Variants in CATSPER3 observed in about 807,000 individuals in gnomAD.
CATSPER3 encodes cation channel sperm-associated protein 3.
Under a neutral mutation model 36.6 loss-of-function variants are expected in CATSPER3, and 23 were observed. The observed-to-expected ratio is 0.63, with a 90% CI of 0.45 to 0.89. The LOEUF (loss-of-function observed/expected upper bound fraction) is 0.89. Among genes scored for constraint, CATSPER3 ranks in the 40% least tolerant of loss-of-function variants. CATSPER3 has a pLI of 0.00. For synonymous variants in CATSPER3, 172 were observed against 184.1 expected (o/e 0.93, Z 0.53); for missense variants, 474 against 503.9 (o/e 0.94, Z 0.57).
At chr5:134,968,162 C>A in intron 1 of CATSPER3, 73 bp downstream of exon 1, 1 of 1,019,378 alleles carries the variant, frequency 9.8e-7, no homozygotes, top group Non-Finnish European at 1.5e-6. Context: ...TGTCAGTGTT[C>A]TCTCAGCCTC....
intron 3 of CATSPER3, among the ~76,000 whole-genome samples, chr5:135,003,736 A>G (rs980923600): frequency 2.0e-5 from 3 of 152,234 alleles, no homozygotes; most frequent in Non-Finnish European, 4.4e-5. Context: ...CTCCGTGAGC[A>G]TGGGACCCTC....
chr5:134,970,089 T>C lies in CATSPER3; in HGVS notation c.249T>C (p.Leu83=). 6.2e-7 allele frequency: 1 copy of C among 1,614,090 alleles called. No homozygotes were observed. Among genetic ancestry groups the C allele is most frequent in the Non-Finnish European group, 8.5e-7 (1 of 1,179,952 alleles). Residue 83 remains leucine (L), a synonymous_variant, in exon 2 of 8, where the codon CTT becomes CTC. Coordinates refer to ENST00000282611, the MANE Select transcript of CATSPER3 (RefSeq NM_178019.3). ...YDIRYRLFRL[L]EFSEIFFVSI... ...TAAGGTACCGCTTGTTCAGACTTCT[T>C]GAGGTAAGCAGACAAAATGGGTCCA... is the stretch of plus-strand genomic sequence containing the variant.
chr5:134,994,195 A>G (rs1580909959), intron 2 of CATSPER3, among the ~76,000 whole-genome samples: 1 of 152,262 alleles, frequency 6.6e-6, no homozygotes, highest in South Asian at 2.1e-4. Context: ...TGTAACACAT[A>G]TAACAGGCAA....
chr5:134,967,965 A>G lies in CATSPER3; in HGVS notation c.-27A>G, dbSNP rs999686598. 1.9e-6 allele frequency: 3 copies of G among 1,550,220 alleles called. No individual in the cohort carries two copies. The Admixed American group carries it at 5.0e-5, about 26-fold the overall frequency. On this transcript the variant is annotated 5_prime_UTR_variant, in exon 1 of 8. Transcript: ENST00000282611. ...AGATTTTCTGTTGGATGCTAAAAGC[A>G]AGGAATAAAAGTTGAAAATTTGGAA... is the stretch of plus-strand genomic sequence containing the variant.
chr5:134,994,037 G>A (rs1169069554), intron 2 of CATSPER3, among the ~76,000 whole-genome samples: 4 of 152,082 alleles, frequency 2.6e-5, no homozygotes, highest in Non-Finnish European at 2.9e-5. Context: ...AGGCAGGAGA[G>A]TTGCTTGAAC....
At chr5:134,992,984 T>C (rs952670768) in intron 2 of CATSPER3, among the ~76,000 whole-genome samples, 3 of 152,202 alleles carry the variant, frequency 2.0e-5, no homozygotes, top group African/African-American at 7.2e-5. Context: ...TTATTCACAA[T>C]AGGCAAAAGG....
chr5:134,978,503 A>G (rs1561458167), intron 2 of CATSPER3, among the ~76,000 whole-genome samples: 2 of 152,202 alleles, frequency 1.3e-5, no homozygotes, highest in African/African-American at 2.4e-5. Context: ...GATTGCAAAC[A>G]TTATACTTAA....
intron 2 of CATSPER3, among the ~76,000 whole-genome samples, chr5:134,995,208 T>C (rs564138631): frequency 2.8e-4 from 42 of 152,276 alleles, no homozygotes; most frequent in Non-Finnish European, 4.1e-4. Flanking sequence ...CTATAGTCAC[T>C]TCACTGATCT....
At chr5:135,003,806 T>G (rs1378989813) in intron 3 of CATSPER3, among the ~76,000 whole-genome samples, 1 of 152,170 alleles carries the variant, frequency 6.6e-6, no homozygotes, top group Non-Finnish European at 1.5e-5. Flanking sequence ...GTTGGAAAAG[T>G]GCAGTATTAG....
Position 134,996,559 on chromosome 5 carries a change from C to A in CATSPER3, c.492+47C>A, listed in dbSNP as rs762923826. 14 of 1,601,106 alleles carry A rather than the reference C, an allele frequency of 8.7e-6. No individual in the cohort carries two copies. The East Asian group carries it at 1.3e-4, about 15-fold the overall frequency. ...TGGTGCTGGGAGGGCAGGCCGTAGG[C>A]CCATTTGCCCCCAAGACACTAAGGA... On this transcript the variant is annotated intron_variant, in intron 3 of 7. Coordinates refer to ENST00000282611, the MANE Select transcript of CATSPER3 (RefSeq NM_178019.3).
chr5:134,996,506 C>T lies in CATSPER3; in HGVS notation c.486C>T (p.Gly162=). 3 of 1,614,076 alleles carry T rather than the reference C, an allele frequency of 1.9e-6. No homozygotes were observed. The highest frequency in any genetic ancestry group is 2.5e-6 in the Non-Finnish European group (3 of 1,180,030). The change falls in exon 3 of 8, where the codon GGC becomes GGT. Residue 162 remains glycine, a synonymous_variant. Coordinates refer to ENST00000282611, the MANE Select transcript of CATSPER3 (RefSeq NM_178019.3). ...TCAAGCTTATCGGCTATAGCCAGGG[C>T]ATCCGGGTGAGTGCACTGGGGGTGT... ...RILKLIGYSQ[G]IRTLITAVGQ... is the part of the protein sequence containing the mutation.
At chr5:135,009,534 C>T (rs201904369) in intron 6 of CATSPER3, 44 bp downstream of exon 6, 53 of 1,602,862 alleles carry the variant, frequency 3.3e-5, no homozygotes, top group South Asian at 4.4e-5. Flanking sequence ...GTGGATGGAT[C>T]GTCAGGCTGA....
intron 2 of CATSPER3, among the ~76,000 whole-genome samples, chr5:134,986,753 A>G (rs967432969): frequency 6.6e-6 from 1 of 152,218 alleles, no homozygotes; most frequent in African/African-American, 2.4e-5. Context: ...GTGAGCCACC[A>G]TGCCCAGCCA....
intron 2 of CATSPER3, 139 bp downstream of exon 2, chr5:134,970,231 C>T: frequency 1.3e-6 from 1 of 786,568 alleles, no homozygotes; most frequent in Non-Finnish European, 2.1e-6. Context: ...TCTCAGCTCA[C>T]TGCAACCTCC....
At chr5:134,995,269 C>T (rs1175720155) in intron 2 of CATSPER3, among the ~76,000 whole-genome samples, 2 of 151,846 alleles carry the variant, frequency 1.3e-5, no homozygotes, top group African/African-American at 4.8e-5. Context: ...AACCATTAAC[C>T]AACCTCTCTT....
intron 2 of CATSPER3, among the ~76,000 whole-genome samples, chr5:134,987,103 T>G (rs1273457945): frequency 6.6e-6 from 1 of 152,150 alleles, no homozygotes. Context: ...ATCAACAAAT[T>G]GACAAGCCTT....
intron 7 of CATSPER3, among the ~76,000 whole-genome samples, chr5:135,011,050 A>T (rs1005877757): frequency 6.6e-6 from 1 of 152,218 alleles, no homozygotes; most frequent in Non-Finnish European, 1.5e-5. Flanking sequence ...ATTACTGAGC[A>T]GGAAGGATGT....
chr5:134,982,187 C>T (rs1362011510), intron 2 of CATSPER3, among the ~76,000 whole-genome samples: 14 of 152,094 alleles, frequency 9.2e-5, no homozygotes, highest in Admixed American at 9.2e-4. Flanking sequence ...GATAAATGAA[C>T]AGAGCCTATG....
chr5:135,001,055 G>A (rs1201281662), intron 3 of CATSPER3, among the ~76,000 whole-genome samples: 1 of 151,940 alleles, frequency 6.6e-6, no homozygotes, highest in Non-Finnish European at 1.5e-5. Context: ...TTCTCTTGTG[G>A]GCATTTAGAG....
Sources: gnomAD v4.1 joint callset for allele counts (sites outside exome capture counted in the v4.1 genomes callset) on GRCh38, gnomAD v4.1.1 for gene constraint, MANE v1.5 for transcripts, NCBI Gene and HGNC (gene_info 2026-07-23, HGNC 2026-07-21) for gene names.